CIT: variants seen among roughly 807,000 people sequenced by gnomAD.
The protein encoded by CIT is citron rho-interacting serine/threonine kinase.
In CIT, 79 loss-of-function variants were observed where a neutral mutation model predicts 272.7. The observed-to-expected ratio is 0.29, with a 90% confidence interval of 0.24 to 0.35. The LOEUF is 0.35. Ranked by LOEUF, CIT falls within the 10% of genes least tolerant of loss-of-function variation. The probability of loss-of-function intolerance (pLI) is 1.00; values close to 1 mark genes in which losing one functional copy is unlikely to be tolerated. For synonymous variants in CIT, 948 were observed against 995.6 expected (o/e 0.95, Z 0.90); for missense variants, 1,909 against 2,618.3 (o/e 0.73, Z 5.91).
At chr12:119,864,796 T>A (rs916565507) in intron 3 of CIT, among the ~76,000 whole-genome samples, 2 of 152,256 alleles carry the variant, frequency 1.3e-5, no homozygotes, top group African/African-American at 4.8e-5. Context: ...GCACTGGGGA[T>A]GTAAGAGTAA....
intron 8 of CIT, 44 bp downstream of exon 8, chr12:119,825,121 A>G (rs1475741168): frequency 9.6e-6 from 15 of 1,557,780 alleles, no homozygotes; most frequent in Middle Eastern, 3.4e-4. Context: ...ATTTTTAAAT[A>G]ACGTTTCTCA....
Position 119,815,336 on chromosome 12 carries a change from G to GGCCA in CIT, c.1111+7480_1111+7483dup, listed in dbSNP as rs200535841. Among the ~76,000 whole-genome samples, 1,377 of 151,934 alleles carry GGCCA rather than the reference G, an allele frequency of 9.1e-3. 21 individuals carry two copies. Among genetic ancestry groups the GGCCA allele is most frequent in the African/African-American group, 0.032 (1,308 of 41,460 alleles). On this transcript the variant is annotated intron_variant, in intron 9 of 47. Transcript: ENST00000392521. ...CAGATTCGAAGGATAAGCATGGTAG[G>GGCCA]GCCATGCTTAAATGAATGAAGTATA...
chr12:119,871,100 C>A (rs1276631470), intron 2 of CIT, among the ~76,000 whole-genome samples: 1 of 142,546 alleles, frequency 7.0e-6, no homozygotes, highest in African/African-American at 2.7e-5. Flanking sequence ...GCCTGGGCGA[C>A]AGGGCGACAG....
At position 119,825,255 on chromosome 12, in the gene CIT, C is replaced by A. The variant is rs1968068339; in HGVS notation, c.867G>T (p.Val289=). 1 of 1,614,048 alleles carries A rather than the reference C, an allele frequency of 6.2e-7. No individual in the cohort carries two copies. Among genetic ancestry groups the A allele is most frequent in the African/African-American group, 1.3e-5 (1 of 74,904 alleles). ...AAATCATCTCATAGGCAATCACGCCCACTGACCACCAGTCACAGTCCAGGC... is the reference window on the plus strand; with the variant it reads ...AAATCATCTCATAGGCAATCACGCCAACTGACCACCAGTCACAGTCCAGGC... The part of the protein sequence containing the change: ...TYGLDCDWWS[V]GVIAYEMIYG... The change falls in exon 8 of 48, where the codon GTG becomes GTT. Residue 289 remains valine (V), a synonymous_variant. Transcript: ENST00000392521.
intron 9 of CIT, among the ~76,000 whole-genome samples, chr12:119,822,147 A>G (rs576713388): frequency 3.4e-4 from 52 of 152,364 alleles, no homozygotes; most frequent in African/African-American, 1.1e-3. Flanking sequence ...GAACACATTC[A>G]ATCAACAACA....
chr12:119,703,029 T>A (rs1477246162), intron 41 of CIT, among the ~76,000 whole-genome samples: 3 of 152,202 alleles, frequency 2.0e-5, no homozygotes, highest in African/African-American at 7.2e-5. Context: ...AAAGAAGCAA[T>A]GATTTCTGAG....
chr12:119,849,934 C>T lies in CIT; in HGVS notation c.516+240G>A, dbSNP rs184766575. On this transcript the variant is annotated intron_variant, in intron 5 of 47. Transcript: ENST00000392521. ...ATCTCCTGACCTCGTGATCCACCCG[C>T]CTCGGCCTCCCAAAATGCTGGGATT... is the stretch of plus-strand genomic sequence containing the variant. Among the ~76,000 whole-genome samples, 41 of 152,310 alleles carry T rather than the reference C, an allele frequency of 2.7e-4. No homozygotes were observed. The East Asian group carries it at 7.5e-3, about 28-fold the overall frequency.
chr12:119,698,194 G>A (rs1956336422), intron 44 of CIT, 140 bp from the exon 45 acceptor site: 2 of 728,374 alleles, frequency 2.7e-6, no homozygotes, highest in African/African-American at 1.7e-5. Context: ...CTATGCGCCA[G>A]AACAGTCATG....
intron 23 of CIT, among the ~76,000 whole-genome samples, chr12:119,749,131 G>A (rs434471): frequency 0.24 from 36,843 of 152,072 alleles, 4,683 homozygotes; most frequent in Middle Eastern, 0.33. Context: ...TCAGTCGAGA[G>A]CTTTAATTTA....
At chr12:119,848,967 G>C (rs2138236834) in intron 5 of CIT, among the ~76,000 whole-genome samples, 1 of 152,242 alleles carries the variant, frequency 6.6e-6, no homozygotes, top group Non-Finnish European at 1.5e-5. Context: ...CCATGTTCAT[G>C]CCACTGAACT....
chr12:119,840,710 G>A (rs1022138966), intron 5 of CIT, among the ~76,000 whole-genome samples: 1 of 152,198 alleles, frequency 6.6e-6, no homozygotes, highest in Non-Finnish European at 1.5e-5. Flanking sequence ...TGGGCAGCTG[G>A]TTTCCAAACC....
At chr12:119,839,675 C>T (rs1969268766) in intron 5 of CIT, among the ~76,000 whole-genome samples, 1 of 152,184 alleles carries the variant, frequency 6.6e-6, no homozygotes, top group South Asian at 2.1e-4. Flanking sequence ...GAAAAATCCT[C>T]ATTGAGTACT....
At chr12:119,825,412 T>C in intron 7 of CIT, 44 bp from the exon 8 acceptor site, 1 of 1,566,954 alleles carries the variant, frequency 6.4e-7, no homozygotes, top group Non-Finnish European at 8.8e-7. Context: ...CTTTCAATTA[T>C]CCTCAAGTAG....
intron 3 of CIT, among the ~76,000 whole-genome samples, chr12:119,858,998 C>A (rs1950253498): frequency 6.6e-6 from 1 of 152,156 alleles, no homozygotes; most frequent in Admixed American, 6.5e-5. Flanking sequence ...CAGAGATCCT[C>A]AACGTATGAA....
intron 5 of CIT, among the ~76,000 whole-genome samples, chr12:119,842,388 CAAAAAAAAAAA>C (rs58634070): frequency 4.2e-5 from 3 of 71,536 alleles, no homozygotes; most frequent in Non-Finnish European, 7.8e-5. Context: ...GACTGCATCT[CAAAAAAAAAAA>C]AAAAAAAAAA....
At chr12:119,868,494 G>A (rs1313566665) in intron 3 of CIT, among the ~76,000 whole-genome samples, 2 of 152,128 alleles carry the variant, frequency 1.3e-5, no homozygotes, top group African/African-American at 4.8e-5. Flanking sequence ...TATGCCTAAA[G>A]CTAAAACTTA....
At position 119,687,227 on chromosome 12, in the gene CIT, A is replaced by ACATGCAGTGAACTGC; in HGVS notation, c.*990_*1004dup. Reference sequence around the variant, plus strand: ...TGGCAGAGCAACCCAAGGGGGCAGCACATGCAGTGAACTGCCATGCAGAAC... The same window carrying ACATGCAGTGAACTGC: ...TGGCAGAGCAACCCAAGGGGGCAGCACATGCAGTGAACTGCCATGCAGTGAACTGCCATGCAGAAC... On this transcript the variant is annotated 3_prime_UTR_variant, in exon 48 of 48. Transcript: ENST00000392521. The ACATGCAGTGAACTGC allele has an allele frequency of 6.5e-6, 1 of 152,728 alleles. No individual in the cohort carries two copies. The highest frequency in any genetic ancestry group is 2.1e-4 in the South Asian group (1 of 4,830). The allele number at this position is 152,728 out of a possible 1,614,324, so 9.5% of individuals were successfully genotyped here.
chr12:119,719,856 G>A (rs1271236927), intron 30 of CIT, among the ~76,000 whole-genome samples: 1 of 152,210 alleles, frequency 6.6e-6, no homozygotes, highest in Admixed American at 6.5e-5. Context: ...GTATAGATCA[G>A]GCTTATGAAA....
Position 119,778,977 on chromosome 12 carries a change from T to G in CIT, c.1666-2135A>C, listed in dbSNP as rs140508807. The stretch of plus-strand genomic sequence containing the variant: ...GGTTCACGCCTGTAATCCCAGCACT[T>G]TGGGAGCCCGAGGTGGCGGATCACT... On this transcript the variant is annotated intron_variant, in intron 13 of 47. Transcript: ENST00000392521. Among the ~76,000 whole-genome samples, 783 of 152,242 alleles carry G rather than the reference T, an allele frequency of 5.1e-3. 5 individuals carry two copies. The highest frequency in any genetic ancestry group is 0.011 in the South Asian group (54 of 4,826).
Sources: gnomAD v4.1 joint callset for allele counts (sites outside exome capture counted in the v4.1 genomes callset) on GRCh38, gnomAD v4.1.1 for gene constraint, MANE v1.5 for transcripts, NCBI Gene and HGNC (gene_info 2026-07-23, HGNC 2026-07-21) for gene names.